NRXN2: variants seen among roughly 807,000 people sequenced by gnomAD.
The protein encoded by NRXN2 is neurexin-2-beta.
NRXN2 carries 29 observed loss-of-function variants against 128.8 expected under a neutral mutation model. That is an observed-to-expected ratio of 0.23 (90% confidence interval 0.17 to 0.31). NRXN2 has a LOEUF of 0.31. NRXN2 is among the 10% of genes least tolerant of loss of function. The pLI is 1.00. For missense variants in NRXN2, 1,881 were observed against 2,452.6 expected, an observed-to-expected ratio of 0.77 and a Z score of 4.92; for synonymous variants, 1,098 against 1,075.2, an observed-to-expected ratio of 1.02 and a Z score of -0.41.
At chr11:64,716,941 T>C (rs1377754410) in intron 1 of NRXN2, among the ~76,000 whole-genome samples, 1 of 152,024 alleles carries the variant, frequency 6.6e-6, no homozygotes, top group Admixed American at 6.6e-5. Context: ...TTCCCCTCCC[T>C]GCGCCTCTCC....
At chr11:64,700,474 G>A (rs767624875) in intron 2 of NRXN2, among the ~76,000 whole-genome samples, 11 of 152,148 alleles carry the variant, frequency 7.2e-5, no homozygotes, top group Non-Finnish European at 1.6e-4. Flanking sequence ...GCTGGGCACC[G>A]TACTGACCCT....
intron 11 of NRXN2, chr11:64,656,187 ACT>A (rs1474646593): frequency 1.3e-5 from 2 of 152,076 alleles, no homozygotes; most frequent in South Asian, 2.1e-4. Flanking sequence ...GGCAGCATGC[ACT>A]CTGTCATAGC....
intron 19 of NRXN2, among the ~76,000 whole-genome samples, chr11:64,627,119 C>T (rs1033896014): frequency 1.3e-5 from 2 of 152,082 alleles, no homozygotes; most frequent in South Asian, 2.1e-4. Flanking sequence ...TGCCTTCGTG[C>T]TCCACTCCCA....
chr11:64,663,150 G>T (rs1357586357), intron 9 of NRXN2, among the ~76,000 whole-genome samples: 1 of 151,914 alleles, frequency 6.6e-6, no homozygotes, highest in African/African-American at 2.4e-5. Context: ...CAGGAGGATC[G>T]CCTGAGGTCA....
intron 2 of NRXN2, chr11:64,712,673 G>T (rs1304218018): frequency 3.4e-6 from 2 of 582,026 alleles, no homozygotes; most frequent in Admixed American, 2.2e-5. Flanking sequence ...GGGGCTTCAT[G>T]CACCCCACCC....
chr11:64,670,591 C>T (rs973663330), intron 7 of NRXN2, among the ~76,000 whole-genome samples: 5 of 152,274 alleles, frequency 3.3e-5, no homozygotes, highest in African/African-American at 9.6e-5. Context: ...ACTTCCTGTG[C>T]CTAAGTCTGG....
In NRXN2 at chr11:64,607,226, C is replaced by T; in HGVS notation, c.5109G>A (p.Lys1703=). 6.2e-7 allele frequency: 1 copy of T among 1,613,788 alleles called. No homozygotes were observed. The highest frequency in any genetic ancestry group is 8.5e-7 in the Non-Finnish European group (1 of 1,179,896). ...CATAATACTCCTTGTCTTTGTTCTT[C>T]TTGGCCTTGCTGGGCGTCTTGGGGG... is the stretch of plus-strand genomic sequence containing the variant. The part of the protein sequence containing the change: ...PAAPKTPSKA[K]KNKDKEYYV Residue 1703 remains lysine, a synonymous_variant, in exon 23 of 23, where the codon AAG becomes AAA. Coordinates refer to ENST00000265459, the MANE Select transcript of NRXN2 (RefSeq NM_015080.4).
intron 1 of NRXN2, among the ~76,000 whole-genome samples, chr11:64,717,383 T>G (rs1373865725): frequency 6.6e-6 from 1 of 152,142 alleles, no homozygotes; most frequent in Non-Finnish European, 1.5e-5. Context: ...GGAGCCGACC[T>G]CCTGAGTAAT....
rs759734686 is a variant in NRXN2, at chr11:64,685,886, G to C, written c.912C>G (p.His304Gln). The C allele has an allele frequency of 1.9e-5, 31 of 1,614,228 alleles. No homozygotes were observed. In the East Asian group the frequency reaches 6.9e-4, roughly 36 times the overall value. ...GNEFFCYDLS[H>Q]NPIQSSTDEI... ...CATCAGTGCTGCTCTGGATGGGGTT[G>C]TGTGACAGGTCGTAGCAGAAGAACT... The change falls in exon 6 of 23, where the codon CAC becomes CAG. Residue 304 changes from histidine (H) to glutamine (Q), a missense_variant. Transcript: ENST00000265459.
At position 64,630,251 on chromosome 11, in the gene NRXN2, C is replaced by T. The variant is rs1438154655; in HGVS notation, c.3757+151G>A. ...AGCCACGCCCCTGCCCTAGTCCCGC[C>T]TCGCAAGCTTCGTCTCTCCAGTAGC... On this transcript the variant is annotated intron_variant, in intron 19 of 22. Transcript: ENST00000265459. The surrounding 1 kb of genome is among the most constrained non-coding windows in gnomAD (Gnocchi z 4.6). The T allele has an allele frequency of 1.4e-6, 1 of 736,588 alleles. No individual in the cohort carries two copies. The highest frequency in any genetic ancestry group is 2.9e-5 in the East Asian group (1 of 34,042). 45.6% of individuals were successfully genotyped at this position (736,588 alleles called of 1,614,324 possible).
chr11:64,663,601 C>A (rs1398367745), intron 9 of NRXN2, among the ~76,000 whole-genome samples: 1 of 152,140 alleles, frequency 6.6e-6, no homozygotes, highest in Non-Finnish European at 1.5e-5. Flanking sequence ...TCTGCCCACC[C>A]ACTGCAGGAC....
chr11:64,678,380 G>A (rs1270556767), intron 6 of NRXN2, among the ~76,000 whole-genome samples: 1 of 151,922 alleles, frequency 6.6e-6, no homozygotes, highest in Non-Finnish European at 1.5e-5. Flanking sequence ...GTCCCTCCCA[G>A]AATCAAGTGC....
rs2044101976 is a variant in NRXN2 at position 64,632,742 on chromosome 11, A to G, written c.3586-2169T>C. 6.6e-6 allele frequency among the ~76,000 whole-genome samples: 1 copy of G among 152,174 alleles called. No homozygotes were observed. The highest frequency in any genetic ancestry group is 2.4e-5 in the African/African-American group (1 of 41,430). ...CTCTCCCAGTGTGAAGTCAGTTGTC[A>G]CTTCTGTTAAAGTCATTAATTCCTA... On this transcript the variant is annotated intron_variant, in intron 18 of 22. Coordinates refer to ENST00000265459, the MANE Select transcript of NRXN2 (RefSeq NM_015080.4). The surrounding 1 kb of genome is among the most constrained non-coding windows in gnomAD (Gnocchi z 4.2).
intron 5 of NRXN2, 30 bp downstream of exon 5, chr11:64,690,375 G>T: frequency 6.3e-7 from 1 of 1,599,066 alleles, no homozygotes; most frequent in South Asian, 1.1e-5. Context: ...ATGAGGGCTG[G>T]GCTCTCTGGG....
At chr11:64,609,351 G>T (rs115243886) in intron 22 of NRXN2, among the ~76,000 whole-genome samples, 1 of 151,876 alleles carries the variant, frequency 6.6e-6, no homozygotes, top group African/African-American at 2.4e-5. Flanking sequence ...ACAAAACAAC[G>T]GAAAGAAGAA....
rs1296489522 is a variant in NRXN2 at position 64,620,186 on chromosome 11, G to A, written c.4252+108C>T. On this transcript the variant is annotated intron_variant, in intron 22 of 22. Coordinates refer to ENST00000265459, the MANE Select transcript of NRXN2 (RefSeq NM_015080.4). ...AGGGGGAACTATCAGGGAAAGCTAAGGCCTGGCAGCAGGCCCTGGGGCTTG... is the reference window on the plus strand; with the variant it reads ...AGGGGGAACTATCAGGGAAAGCTAAAGCCTGGCAGCAGGCCCTGGGGCTTG... 3 of 829,824 alleles carry A rather than the reference G, an allele frequency of 3.6e-6. No individual in the cohort carries two copies. In the Admixed American group the frequency reaches 6.0e-5, roughly 17 times the overall value. 51.4% of individuals were successfully genotyped at this position (829,824 alleles called of 1,614,324 possible). A position where few individuals can be genotyped will look rare whatever the true frequency, so the allele number is the denominator to read the frequency against.
intron 9 of NRXN2, among the ~76,000 whole-genome samples, chr11:64,662,609 GTC>G (rs1414998770): frequency 2.0e-5 from 3 of 152,132 alleles, no homozygotes; most frequent in Non-Finnish European, 2.9e-5. Flanking sequence ...GTGAAACCCT[GTC>G]TCTACTAACA....
intron 6 of NRXN2, among the ~76,000 whole-genome samples, chr11:64,681,917 C>T (rs543217136): frequency 6.6e-4 from 101 of 152,292 alleles, no homozygotes; most frequent in Admixed American, 6.6e-3. Context: ...AATCTAATTG[C>T]CTGATGGACT....
Position 64,606,942 on chromosome 11 carries a change from C to T in NRXN2, c.*254G>A. The T allele has an allele frequency of 1.8e-6, 1 of 548,416 alleles. No homozygotes were observed. The highest frequency in any genetic ancestry group is 2.4e-5 in the South Asian group (1 of 42,400). 34.0% of individuals were successfully genotyped at this position (548,416 alleles called of 1,614,324 possible). ...AAATAAATCAACCCAGGGCTGTGAG[C>T]ACGTGCCCTGCCTGGCAGGCGCAGA... On this transcript the variant is annotated 3_prime_UTR_variant, in exon 23 of 23. Coordinates refer to ENST00000265459, the MANE Select transcript of NRXN2 (RefSeq NM_015080.4).
Sources: gnomAD v4.1 joint callset for allele counts (sites outside exome capture counted in the v4.1 genomes callset) on GRCh38, gnomAD v4.1.1 for gene constraint, Gnocchi (gnomAD v3.1) non-coding constraint, MANE v1.5 for transcripts, NCBI Gene and HGNC (gene_info 2026-07-23, HGNC 2026-07-21) for gene names.